Variants in CRHBP observed in about 807,000 individuals in gnomAD.
CRHBP encodes the protein corticotropin releasing hormone binding protein.
A neutral mutation model predicts 34.9 loss-of-function variants in CRHBP; 19 were observed. That is an observed-to-expected ratio of 0.55 (90% CI 0.38 to 0.80). The LOEUF (loss-of-function observed/expected upper bound fraction) is 0.80. CRHBP is among the 30% of genes least tolerant of loss of function. The pLI, the probability that CRHBP is intolerant of heterozygous loss-of-function variation, is 0.00. For missense variants in CRHBP, 328 were observed against 409.2 expected (o/e 0.80, Z 1.71); for synonymous variants, 154 against 153.4 (o/e 1.00, Z -0.03).
At chr5:76,954,228 C>T (rs980358034) in intron 3 of CRHBP, 42 bp downstream of exon 3, 24 of 1,597,220 alleles carry the variant, frequency 1.5e-5, no homozygotes, top group African/African-American at 2.7e-5. Context: ...GAGGGCGGCA[C>T]GGGAGGGTTG....
In CRHBP at chr5:76,964,168, A is replaced by G. The variant is rs1049933200; in HGVS notation, c.811+708A>G. Reference sequence around the variant, plus strand: ...TCATGACCTCATGACCAGATAACTCAATGAAGTCTCGGGGAGGTGGGGGAG... The same window carrying G: ...TCATGACCTCATGACCAGATAACTCGATGAAGTCTCGGGGAGGTGGGGGAG... On this transcript the variant is annotated intron_variant, in intron 6 of 6. Coordinates refer to ENST00000274368, the MANE Select transcript of CRHBP (RefSeq NM_001882.4). Among the ~76,000 whole-genome samples the G allele has an allele frequency of 2.0e-5, 3 of 152,292 alleles. No individual in the cohort carries two copies. In the East Asian group the frequency reaches 5.8e-4, roughly 29 times the overall value.
chr5:76,954,602 C>T (rs1025570259), intron 3 of CRHBP, among the ~76,000 whole-genome samples: 1 of 152,192 alleles, frequency 6.6e-6, no homozygotes, highest in Non-Finnish European at 1.5e-5. Context: ...AGAAGGCCCG[C>T]CCCACACGTC....
chr5:76,959,118 T>C (rs1224696301), intron 5 of CRHBP: 4 of 436,554 alleles, frequency 9.2e-6, no homozygotes, highest in Non-Finnish European at 1.6e-5. Flanking sequence ...ACTTGAATAC[T>C]TTCCCTGTGA....
intron 3 of CRHBP, among the ~76,000 whole-genome samples, chr5:76,980,388 C>T (rs1043737200): frequency 3.9e-5 from 6 of 152,166 alleles, no homozygotes; most frequent in Non-Finnish European, 7.3e-5. Flanking sequence ...TGTGAAGCAC[C>T]GCTCTCAGGG....
At chr5:76,975,360 A>C (rs1746009360) in intron 2 of CRHBP, among the ~76,000 whole-genome samples, 1 of 152,230 alleles carries the variant, frequency 6.6e-6, no homozygotes, top group South Asian at 2.1e-4. Context: ...ATTACTTTAA[A>C]GATTCAAACC....
chr5:76,963,423 G>A lies in CRHBP; in HGVS notation c.774G>A (p.Thr258=), dbSNP rs577657444. 4 of 1,614,044 alleles carry A rather than the reference G, an allele frequency of 2.5e-6. No individual in the cohort carries two copies. The highest frequency in any genetic ancestry group is 1.1e-5 in the South Asian group (1 of 91,066). ...CTGGATTGGACCCTTCCAAGATGAC[G>A]CCTTTAGCTGATCTCTGCTACCCCT... is the stretch of plus-strand genomic sequence containing the variant. ...GGTGLDPSKM[T]PLADLCYPFH... is the part of the protein sequence containing the mutation. Residue 258 remains threonine (T), a synonymous_variant, in exon 6 of 7, where the codon ACG becomes ACA. Transcript: ENST00000274368.
At chr5:76,953,801 A>C in intron 2 of CRHBP, 107 bp downstream of exon 2, 1 of 1,291,786 alleles carries the variant, frequency 7.7e-7, no homozygotes, top group South Asian at 1.4e-5. Flanking sequence ...GCTGGCCGGA[A>C]CCGCCAGGGG....
At chr5:76,978,783 G>A (rs1746076502) in intron 3 of CRHBP, among the ~76,000 whole-genome samples, 1 of 152,180 alleles carries the variant, frequency 6.6e-6, no homozygotes, top group South Asian at 2.1e-4. Flanking sequence ...GAATATTGTT[G>A]AAATAACAAC....
intron 6 of CRHBP, among the ~76,000 whole-genome samples, chr5:76,966,872 A>G (rs1189350114): frequency 6.6e-6 from 1 of 152,232 alleles, no homozygotes; most frequent in Non-Finnish European, 1.5e-5. Context: ...AATAATAAGT[A>G]AAGAAAATAG....
chr5:76,974,394 C>T (rs919399288), downstream of CRHBP, among the ~76,000 whole-genome samples: 3 of 151,874 alleles, frequency 2.0e-5, no homozygotes, highest in East Asian at 3.9e-4. Flanking sequence ...TTAGGTGATC[C>T]GCTGGCCTCA....
In CRHBP at chr5:76,953,087, C is replaced by T. The variant is rs1276807868; in HGVS notation, c.-48C>T. On this transcript the variant is annotated 5_prime_UTR_variant, in exon 1 of 7. Transcript: ENST00000274368. The stretch of plus-strand genomic sequence containing the variant: ...CTGCGCGAGGGTGTAGGAAGGAAAG[C>T]CCAGGACCTCCGGAGCAGAGCACAG... The T allele has an allele frequency of 2.5e-6, 4 of 1,596,720 alleles. No homozygotes were observed. The African/African-American group carries it at 5.4e-5, about 21-fold the overall frequency.
intron 2 of CRHBP, among the ~76,000 whole-genome samples, chr5:76,975,825 A>AAAAAAAAATATATATATATATATATAT: frequency 1.6e-5 from 1 of 61,840 alleles, no homozygotes; most frequent in Non-Finnish European, 2.7e-5. Context: ...AAAAAAAAAA[A>AAAAAAAAATATATATATATATATATAT]ATATATATAT....
At chr5:76,976,623 G>A (rs1407953443) in intron 3 of CRHBP, 2 of 152,184 alleles carry the variant, frequency 1.3e-5, no homozygotes, top group African/African-American at 4.8e-5. Context: ...GAGCACCTAC[G>A]TTTTAATGCG....
Position 76,968,612 on chromosome 5 carries a change from A to G in CRHBP, c.812-116A>G, listed in dbSNP as rs190629766. 107 of 994,844 alleles carry G rather than the reference A, an allele frequency of 1.1e-4. No homozygotes were observed. In the African/African-American group the frequency reaches 1.6e-3, roughly 15 times the overall value. The allele number at this position is 994,844 out of a possible 1,614,324, so 61.6% of individuals were successfully genotyped here. ...GATAGTAGATGCATGGTTTGGGTAC[A>G]TGAGAGGAAGATAGGTCTCCTTGCT... On this transcript the variant is annotated intron_variant, in intron 6 of 6. Transcript: ENST00000274368.
chr5:76,979,321 G>A (rs1561270601), intron 3 of CRHBP, among the ~76,000 whole-genome samples: 1 of 152,006 alleles, frequency 6.6e-6, no homozygotes, highest in South Asian at 2.1e-4. Context: ...AAAGGGCTAC[G>A]TTTATAGGTA....
At position 76,958,883 on chromosome 5, in the gene CRHBP, G is replaced by A; in HGVS notation, c.687G>A (p.Gln229=). ...DLTLGHVNGL[Q]LKKSSAGCEG... Reference sequence around the variant, plus strand: ...CCCTGGGACACGTAAATGGTCTTCAGTTAAAGGTGAGTTGCTTACTTGTTT... The same window carrying A: ...CCCTGGGACACGTAAATGGTCTTCAATTAAAGGTGAGTTGCTTACTTGTTT... The change falls in exon 5 of 7, where the codon CAG becomes CAA. Residue 229 remains glutamine (Q), a synonymous_variant. Coordinates refer to ENST00000274368, the MANE Select transcript of CRHBP (RefSeq NM_001882.4). 1.2e-6 allele frequency: 2 copies of A among 1,613,672 alleles called. No individual in the cohort carries two copies. The highest frequency in any genetic ancestry group is 8.5e-7 in the Non-Finnish European group (1 of 1,179,910).
intron 6 of CRHBP, among the ~76,000 whole-genome samples, chr5:76,967,659 T>C (rs1745879091): frequency 6.6e-6 from 1 of 151,876 alleles, no homozygotes; most frequent in African/African-American, 2.4e-5. Context: ...ACAGAGGAGA[T>C]ATAAAAGTTG....
intron 6 of CRHBP, among the ~76,000 whole-genome samples, chr5:76,967,602 A>T: frequency 6.6e-6 from 1 of 152,038 alleles, no homozygotes; most frequent in East Asian, 1.9e-4. Flanking sequence ...AAATAAAAGG[A>T]AAGTAATTCT....
At chr5:76,960,799 C>G (rs1277187414) in intron 5 of CRHBP, among the ~76,000 whole-genome samples, 2 of 151,212 alleles carry the variant, frequency 1.3e-5, no homozygotes, top group Non-Finnish European at 2.9e-5. Flanking sequence ...GAGTCTCGCT[C>G]TGTCGCCCAG....
Sources: gnomAD v4.1 joint callset for allele counts (sites outside exome capture counted in the v4.1 genomes callset) on GRCh38, gnomAD v4.1.1 for gene constraint, MANE v1.5 for transcripts, NCBI Gene and HGNC (gene_info 2026-07-23, HGNC 2026-07-21) for gene names.